FAT3: variants seen among roughly 807,000 people sequenced by gnomAD.
FAT3 encodes FAT atypical cadherin 3.
A neutral mutation model predicts 310.2 loss-of-function variants in FAT3; 95 were observed. The observed-to-expected ratio is 0.31, with a 90% confidence interval of 0.26 to 0.36. The LOEUF (loss-of-function observed/expected upper bound fraction) is 0.36, where lower values mean the gene tolerates loss of function less well. Ranked by LOEUF, FAT3 falls within the 10% of genes least tolerant of loss-of-function variation. The probability of loss-of-function intolerance (pLI) is 1.00; values close to 1 mark genes in which losing one functional copy is unlikely to be tolerated. For synonymous variants in FAT3, 2,314 were observed against 2,192.9 expected (o/e 1.06, Z -1.54); for missense variants, 5,408 against 5,715.6 (o/e 0.95, Z 1.74).
chr11:92,526,911 T>C (rs1374087334), intron 3 of FAT3, among the ~76,000 whole-genome samples: 2 of 152,224 alleles, frequency 1.3e-5, no homozygotes, highest in Non-Finnish European at 2.9e-5. Context: ...TTTTTATCCA[T>C]TTATTCAATC....
At chr11:92,671,457 C>T (rs1394189218) in intron 3 of FAT3, among the ~76,000 whole-genome samples, 1 of 152,012 alleles carries the variant, frequency 6.6e-6, no homozygotes, top group Admixed American at 6.6e-5. Context: ...ATAATGGAAA[C>T]ATGCTGGTTA....
chr11:92,550,316 A>T (rs1954765641), intron 3 of FAT3, among the ~76,000 whole-genome samples: 1 of 152,218 alleles, frequency 6.6e-6, no homozygotes, highest in African/African-American at 2.4e-5. Context: ...GAGAAGAGCC[A>T]GGAAGCTGCT....
At chr11:92,773,885 G>T (rs575084539) in intron 6 of FAT3, among the ~76,000 whole-genome samples, 156 bp from the exon 7 acceptor site, 1 of 152,240 alleles carries the variant, frequency 6.6e-6, no homozygotes, top group Admixed American at 6.5e-5. Flanking sequence ...AATCAAGTTA[G>T]AAATAAAGAG....
intron 2 of FAT3, among the ~76,000 whole-genome samples, chr11:92,514,756 G>T (rs1000340698): frequency 7.9e-5 from 12 of 152,182 alleles, no homozygotes; most frequent in African/African-American, 2.7e-4. Flanking sequence ...GCCCAGCAAA[G>T]AAATCGTTAT....
At chr11:92,339,433 T>A (rs923993012) in intron 1 of FAT3, among the ~76,000 whole-genome samples, 1 of 152,228 alleles carries the variant, frequency 6.6e-6, no homozygotes, top group Non-Finnish European at 1.5e-5. Context: ...TGCCCAGTAG[T>A]ATGTACGTTT....
chr11:92,497,007 G>A (rs527501344), intron 2 of FAT3, among the ~76,000 whole-genome samples: 1 of 152,116 alleles, frequency 6.6e-6, no homozygotes, highest in Non-Finnish European at 1.5e-5. Context: ...GCCCTTGTTT[G>A]GCCTCCTCAC....
chr11:92,450,460 A>C (rs995244780), intron 2 of FAT3, among the ~76,000 whole-genome samples: 2 of 152,118 alleles, frequency 1.3e-5, no homozygotes, highest in African/African-American at 4.8e-5. Context: ...GAAGATCTTT[A>C]TGAATGAGCT....
chr11:92,273,053 C>A (rs2134341310), intron 1 of FAT3, among the ~76,000 whole-genome samples: 1 of 152,170 alleles, frequency 6.6e-6, no homozygotes, highest in East Asian at 1.9e-4. Flanking sequence ...TCCCCCATAC[C>A]ACTACTTACC....
In FAT3 at chr11:92,864,447, A is replaced by G. The variant is rs561639686; in HGVS notation, c.11659-2294A>G. On this transcript the variant is annotated intron_variant, in intron 21 of 27. Transcript: ENST00000525166. ...ATTATCCAGGAGTTGCCATAGAGCA[A>G]GTATTCTGGTATGATTTACAATATC... Among the ~76,000 whole-genome samples the G allele has an allele frequency of 1.1e-3, 174 of 152,362 alleles. 1 individual carries two copies. The highest frequency in any genetic ancestry group is 4.0e-3 in the African/African-American group (167 of 41,588).
intron 1 of FAT3, among the ~76,000 whole-genome samples, chr11:92,246,437 T>C (rs1175094303): frequency 6.6e-6 from 1 of 151,972 alleles, no homozygotes. Flanking sequence ...GAAAAATTCT[T>C]CAAAGAAACA....
intron 1 of FAT3, among the ~76,000 whole-genome samples, chr11:92,281,076 A>T (rs1299300393): frequency 2.6e-5 from 4 of 152,332 alleles, no homozygotes; most frequent in Admixed American, 2.6e-4. Context: ...TAAGGGATTG[A>T]TTTAATAACT....
At chr11:92,518,774 T>C (rs10830921) in intron 2 of FAT3, among the ~76,000 whole-genome samples, 5,856 of 152,096 alleles carry the variant, frequency 0.039, 369 homozygotes, top group African/African-American at 0.13. Flanking sequence ...ACAATTGACA[T>C]TAAAATAAAA....
chr11:92,378,970 A>G (rs562746973), intron 2 of FAT3, among the ~76,000 whole-genome samples: 1 of 152,248 alleles, frequency 6.6e-6, no homozygotes, highest in Non-Finnish European at 1.5e-5. Context: ...CTACTTCCTA[A>G]TATTATCACC....
intron 3 of FAT3, among the ~76,000 whole-genome samples, chr11:92,525,866 T>G (rs1450299553): frequency 6.6e-6 from 1 of 152,204 alleles, no homozygotes; most frequent in Non-Finnish European, 1.5e-5. Flanking sequence ...TTCTCCTGCC[T>G]ATGTTTGTTA....
At chr11:92,729,458 G>A (rs764563874) in intron 4 of FAT3, among the ~76,000 whole-genome samples, 2 of 144,576 alleles carry the variant, frequency 1.4e-5, no homozygotes, top group African/African-American at 2.6e-5. Context: ...ATGGAGTCTC[G>A]CTCTGTCACC....
At chr11:92,638,025 G>A (rs1159787156) in intron 3 of FAT3, among the ~76,000 whole-genome samples, 2 of 152,166 alleles carry the variant, frequency 1.3e-5, no homozygotes, top group African/African-American at 4.8e-5. Context: ...TGTACTTCAT[G>A]TTATGTTTGG....
At chr11:92,427,329 C>T (rs1258056856) in intron 2 of FAT3, among the ~76,000 whole-genome samples, 1 of 152,154 alleles carries the variant, frequency 6.6e-6, no homozygotes, top group African/African-American at 2.4e-5. Flanking sequence ...GACAATTTGA[C>T]TTCCTCTCTT....
rs375539433 is a variant in FAT3, at chr11:92,806,525, A to T, written c.9247+10A>T. 5.4e-4 allele frequency: 830 copies of T among 1,537,110 alleles called. No individual in the cohort carries two copies. Among genetic ancestry groups the T allele is most frequent in the Middle Eastern group, 2.1e-3 (12 of 5,690 alleles). On this transcript the variant is annotated intron_variant, in intron 12 of 27. Transcript: ENST00000525166. Reference sequence around the variant, plus strand: ...CTAGATCCAGAAAGTGGTAAGCTAAAATTTATTATTGAGATAAATGTCATT... The same window carrying T: ...CTAGATCCAGAAAGTGGTAAGCTAATATTTATTATTGAGATAAATGTCATT...
intron 6 of FAT3, among the ~76,000 whole-genome samples, chr11:92,769,107 A>G (rs1031206776): frequency 6.6e-6 from 1 of 152,186 alleles, no homozygotes; most frequent in Non-Finnish European, 1.5e-5. Context: ...GGTAGCAAGC[A>G]AGATTTTGTT....
Sources: allele counts gnomAD v4.1 joint callset (sites outside exome capture counted in the v4.1 genomes callset), GRCh38; gene constraint gnomAD v4.1.1; transcripts MANE v1.5; gene names NCBI Gene and HGNC (gene_info 2026-07-23, HGNC 2026-07-21).